The following SEMA6D variants were observed in gnomAD, a reference collection of about 807,000 sequenced individuals.
SEMA6D encodes the protein semaphorin-6D.
In SEMA6D, 35 loss-of-function variants were observed where a neutral mutation model predicts 106.6. The ratio of observed to expected loss-of-function variants is 0.33; its 90% CI spans 0.25 to 0.44. The LOEUF (loss-of-function observed/expected upper bound fraction) is 0.44. SEMA6D is among the 20% of genes least tolerant of loss of function. SEMA6D has a pLI of 1.00. For missense variants in SEMA6D, 1,185 were observed against 1,345.9 expected (o/e 0.88, Z 1.87); for synonymous variants, 499 against 487.7 (o/e 1.02, Z -0.31).
At chr15:47,296,680 T>C (rs1238124554) in intron 1 of SEMA6D, among the ~76,000 whole-genome samples, 1 of 152,252 alleles carries the variant, frequency 6.6e-6, no homozygotes, top group Non-Finnish European at 1.5e-5. Flanking sequence ...GAGCGTTTTA[T>C]CAAGATGTGA....
intron 1 of SEMA6D, among the ~76,000 whole-genome samples, chr15:47,754,632 A>G (rs962176496): frequency 6.6e-6 from 1 of 152,158 alleles, no homozygotes; most frequent in East Asian, 1.9e-4. Flanking sequence ...TGTATTTAGA[A>G]CTTCTTAGAA....
intron 4 of SEMA6D, among the ~76,000 whole-genome samples, chr15:47,647,719 C>CAAAAAAAAAAAAA (rs777557315): frequency 2.1e-5 from 2 of 93,776 alleles, no homozygotes; most frequent in African/African-American, 3.1e-5. Context: ...CAATTGTGGG[C>CAAAAAAAAAAAAA]AAAAAAAAAA....
intron 2 of SEMA6D, among the ~76,000 whole-genome samples, chr15:47,420,595 T>A (rs2140399549): frequency 6.6e-6 from 1 of 152,262 alleles, no homozygotes; most frequent in African/African-American, 2.4e-5. Flanking sequence ...CTCCATTGTT[T>A]GTCCTGATAT....
intron 1 of SEMA6D, among the ~76,000 whole-genome samples, chr15:47,722,641 A>G (rs2079490429): frequency 6.6e-6 from 1 of 152,278 alleles, no homozygotes; most frequent in East Asian, 1.9e-4. Flanking sequence ...TGATGTGTCA[A>G]GGGGAGACTG....
intron 3 of SEMA6D, among the ~76,000 whole-genome samples, chr15:47,520,852 G>T (rs765965729): frequency 8.5e-5 from 13 of 152,208 alleles, no homozygotes; most frequent in Non-Finnish European, 1.5e-4. Flanking sequence ...TCTGGCAAAA[G>T]TGGATGTGCC....
intron 2 of SEMA6D, among the ~76,000 whole-genome samples, chr15:47,463,705 C>T (rs567732794): frequency 7.2e-5 from 11 of 152,296 alleles, no homozygotes; most frequent in Admixed American, 5.9e-4. Flanking sequence ...CCTGTGGCTG[C>T]TGTGACCAGT....
intron 1 of SEMA6D, among the ~76,000 whole-genome samples, chr15:47,257,355 C>A (rs934316736): frequency 6.6e-6 from 1 of 152,194 alleles, no homozygotes; most frequent in Admixed American, 6.5e-5. Context: ...CTGCACCCGA[C>A]CAATTCTTTT....
intron 4 of SEMA6D, among the ~76,000 whole-genome samples, chr15:47,640,682 G>A (rs1017786708): frequency 1.3e-5 from 2 of 152,120 alleles, no homozygotes; most frequent in Non-Finnish European, 2.9e-5. Context: ...ACTGAGGGTC[G>A]TCAGGGTGGC....
intron 4 of SEMA6D, among the ~76,000 whole-genome samples, chr15:47,699,270 AT>A (rs2078761922): frequency 6.6e-6 from 1 of 152,170 alleles, no homozygotes. Context: ...AAGACAACTA[AT>A]TTATTACAAG....
intron 1 of SEMA6D, among the ~76,000 whole-genome samples, chr15:47,243,043 A>C (rs1036973213): frequency 6.6e-6 from 1 of 152,138 alleles, no homozygotes; most frequent in African/African-American, 2.4e-5. Flanking sequence ...AAACACACAC[A>C]ATCACTTATA....
At chr15:47,199,795 T>C (rs1413382980) in intron 1 of SEMA6D, among the ~76,000 whole-genome samples, 1 of 148,558 alleles carries the variant, frequency 6.7e-6, no homozygotes, top group African/African-American at 2.4e-5. Context: ...TTTGTGTATA[T>C]GTGTGTGTGT....
At chr15:47,600,174 C>A (rs1257639602) in intron 3 of SEMA6D, among the ~76,000 whole-genome samples, 4 of 152,122 alleles carry the variant, frequency 2.6e-5, no homozygotes, top group Admixed American at 2.0e-4. Flanking sequence ...TGGTGTTTGG[C>A]TTAACTGAAT....
chr15:47,540,000 C>G (rs2045304938), intron 3 of SEMA6D, among the ~76,000 whole-genome samples: 1 of 151,998 alleles, frequency 6.6e-6, no homozygotes, highest in Non-Finnish European at 1.5e-5. Flanking sequence ...ACTACTCATG[C>G]AAGAGATGAT....
At chr15:47,434,002 T>C (rs2041621548) in intron 2 of SEMA6D, among the ~76,000 whole-genome samples, 1 of 152,100 alleles carries the variant, frequency 6.6e-6, no homozygotes, top group Admixed American at 6.6e-5. Flanking sequence ...AGAAGTAAGT[T>C]TTCATCATCT....
intron 1 of SEMA6D, among the ~76,000 whole-genome samples, chr15:47,251,016 G>A (rs938276559): frequency 2.6e-5 from 4 of 152,160 alleles, no homozygotes; most frequent in African/African-American, 9.7e-5. Flanking sequence ...CCATCTTGAA[G>A]TATCAGATCA....
intron 1 of SEMA6D, among the ~76,000 whole-genome samples, chr15:47,219,940 A>G (rs946952407): frequency 5.3e-5 from 8 of 152,146 alleles, no homozygotes; most frequent in Non-Finnish European, 7.4e-5. Context: ...GGTGGGATAA[A>G]TGGTGTGGTT....
At chr15:47,438,816 C>T (rs2041799636) in intron 2 of SEMA6D, among the ~76,000 whole-genome samples, 2 of 151,838 alleles carry the variant, frequency 1.3e-5, no homozygotes. Context: ...AATTTAAACT[C>T]CATGCGGGAG....
chr15:47,366,990 C>T (rs1334452368), intron 1 of SEMA6D, among the ~76,000 whole-genome samples: 2 of 152,172 alleles, frequency 1.3e-5, no homozygotes, highest in Non-Finnish European at 2.9e-5. Context: ...AATAGTGTTT[C>T]AGAGCATGGA....
At chr15:47,689,981 G>A (rs934295097) in intron 4 of SEMA6D, among the ~76,000 whole-genome samples, 1 of 152,192 alleles carries the variant, frequency 6.6e-6, no homozygotes, top group East Asian at 1.9e-4. Flanking sequence ...AGAGCAAAAT[G>A]TTTCCTGGGC....
Sources: allele counts gnomAD v4.1 joint callset (sites outside exome capture counted in the v4.1 genomes callset), GRCh38; gene constraint gnomAD v4.1.1; transcripts MANE v1.5; gene names NCBI Gene and HGNC (gene_info 2026-07-23, HGNC 2026-07-21).